The following KLHL13 variants were observed in gnomAD, a reference collection of about 807,000 sequenced individuals.
The protein encoded by KLHL13 is kelch like family member 13.
A neutral mutation model predicts 37.1 loss-of-function variants in KLHL13; 10 were observed. That is an observed-to-expected ratio of 0.27 (90% CI 0.17 to 0.46). The LOEUF is 0.46. KLHL13 is among the 20% of genes least tolerant of loss of function. The probability of loss-of-function intolerance (pLI) is 1.00; values close to 1 mark genes in which losing one functional copy is unlikely to be tolerated. For synonymous variants in KLHL13, 163 were observed against 181.2 expected, an observed-to-expected ratio of 0.90 and a Z score of 0.81; for missense variants, 360 against 509.3, an observed-to-expected ratio of 0.71 and a Z score of 2.82.
chrX:117,947,078 A>G (rs1186358066), intron 1 of KLHL13: 1 of 112,145 alleles, frequency 8.9e-6, no homozygotes, highest in Non-Finnish European at 1.9e-5. Flanking sequence ...ATAGCCTTCC[A>G]CCAGAGTTTC....
At chrX:117,909,484 C>T in exon 5 of KLHL13, 2 of 1,211,685 alleles carry the variant, frequency 1.7e-6, no homozygotes, top group Non-Finnish European at 2.2e-6. Context: ...CTCTGTCCGC[C>T]AACCACATAG....
At chrX:118,094,915 G>A (rs1388838487) in intron 1 of KLHL13, among the ~76,000 whole-genome samples, 1 of 111,538 alleles carries the variant, frequency 9.0e-6, no homozygotes, top group Non-Finnish European at 1.9e-5. Context: ...AGGAACAACT[G>A]GTACCAGCCA....
At chrX:118,111,976 G>A (rs1170497641) in intron 1 of KLHL13, among the ~76,000 whole-genome samples, 6 of 111,948 alleles carry the variant, frequency 5.4e-5, no homozygotes. Flanking sequence ...ACCATAAGAG[G>A]CAAGTTCTAT....
intron 1 of KLHL13, among the ~76,000 whole-genome samples, chrX:117,993,535 C>T (rs1001461769): frequency 9.0e-6 from 1 of 111,026 alleles, no homozygotes; most frequent in Admixed American, 9.6e-5. Context: ...TAAGGTTACA[C>T]GATCTGTAAA....
rs140001696 is a variant in KLHL13 at position 118,040,250 on chromosome X, C to G, written c.-56+76258G>C. ...AGACCACCCAGGAAATATGACCTCA[C>G]CAAACAAACTAAATGAGGTACCAGA... On this transcript the variant is annotated intron_variant, in intron 1 of 6. Transcript: ENST00000371882. 8.0e-3 allele frequency among the ~76,000 whole-genome samples: 888 copies of G among 111,698 alleles called. 7 individuals are homozygous for G. The highest frequency in any genetic ancestry group is 0.028 in the African/African-American group (854 of 30,722).
At chrX:118,099,744 T>C (rs2055261801) in intron 1 of KLHL13, among the ~76,000 whole-genome samples, 2 of 109,383 alleles carry the variant, frequency 1.8e-5, no homozygotes, top group South Asian at 8.0e-4. Context: ...GAGGCAGAGG[T>C]TGCAGTGAGC....
At chrX:118,004,297 T>C (rs187778355) in intron 1 of KLHL13, among the ~76,000 whole-genome samples, 13 of 111,911 alleles carry the variant, frequency 1.2e-4, no homozygotes, top group Non-Finnish European at 2.3e-4. Flanking sequence ...TATACAAATA[T>C]TTCCTAGCTC....
At chrX:118,084,324 G>A (rs1198170949) in intron 1 of KLHL13, among the ~76,000 whole-genome samples, 1 of 111,604 alleles carries the variant, frequency 9.0e-6, no homozygotes, top group Admixed American at 9.6e-5. Context: ...TCTCAAAAAA[G>A]AAAGTTGGGT....
chrX:117,987,825 T>G (rs1304428062), intron 1 of KLHL13, among the ~76,000 whole-genome samples: 5 of 111,928 alleles, frequency 4.5e-5, no homozygotes, highest in African/African-American at 1.6e-4. Flanking sequence ...TCTTTTTTAT[T>G]GAGTGAAAAA....
intron 1 of KLHL13, among the ~76,000 whole-genome samples, chrX:118,113,508 C>G (rs1252632145): frequency 1.8e-5 from 2 of 112,028 alleles, no homozygotes; most frequent in Non-Finnish European, 3.8e-5. Flanking sequence ...GCTTTCTGCT[C>G]TTCAAAAACG....
intron 1 of KLHL13, among the ~76,000 whole-genome samples, chrX:117,953,656 C>A (rs1334716974): frequency 9.0e-6 from 1 of 111,452 alleles, no homozygotes; most frequent in Non-Finnish European, 1.9e-5. Flanking sequence ...GATTTGAACC[C>A]ACATCTGAAT....
exon 1 of KLHL13, chrX:117,972,941 CAAAGGATTCTGCCAGTGCCCTT>C (rs2053548793): frequency 9.1e-6 from 10 of 1,103,369 alleles, no homozygotes; most frequent in Non-Finnish European, 1.2e-5. Flanking sequence ...GGAGAACAAG[CAAAGGATTCTGCCAGTGCCCTT>C]AAACCGATGC....
chrX:118,078,790 T>C (rs1195873383), intron 1 of KLHL13, among the ~76,000 whole-genome samples: 3 of 111,674 alleles, frequency 2.7e-5, no homozygotes, highest in Non-Finnish European at 5.7e-5. Flanking sequence ...TTGAATGAGA[T>C]TGCTGGATCA....
Position 118,100,472 on chromosome X carries a change from T to C in KLHL13, c.-56+16036A>G, listed in dbSNP as rs189906745. ...ACTGATATTGTTATGTTAATTATCA[T>C]GGGAATTGATAGTATATCATGTTTT... On this transcript the variant is annotated intron_variant, in intron 1 of 6. Transcript: ENST00000371882. Among the ~76,000 whole-genome samples the C allele has an allele frequency of 5.3e-3, 595 of 111,985 alleles. 4 individuals carry two copies. Among genetic ancestry groups the C allele is most frequent in the Non-Finnish European group, 6.6e-3 (353 of 53,217 alleles).
chrX:117,906,507 A>G (rs1333522014), intron 5 of KLHL13, among the ~76,000 whole-genome samples: 1 of 111,214 alleles, frequency 9.0e-6, no homozygotes, highest in Admixed American at 9.6e-5. Context: ...ATTTGAGTAT[A>G]ACATAGAAAG....
At chrX:117,997,755 C>G (rs751756745) in intron 1 of KLHL13, among the ~76,000 whole-genome samples, 4 of 111,487 alleles carry the variant, frequency 3.6e-5, no homozygotes, top group Non-Finnish European at 5.7e-5. Context: ...ATTTGTTCCC[C>G]TATTTTAGCA....
chrX:118,073,536 A>C (rs770292102), intron 1 of KLHL13, among the ~76,000 whole-genome samples: 1 of 111,561 alleles, frequency 9.0e-6, no homozygotes, highest in Non-Finnish European at 1.9e-5. Flanking sequence ...CTCTCTACAT[A>C]TACTTGGCTG....
At chrX:118,021,547 T>C (rs1273567414) in intron 1 of KLHL13, among the ~76,000 whole-genome samples, 2 of 110,312 alleles carry the variant, frequency 1.8e-5, no homozygotes, top group East Asian at 5.7e-4. Flanking sequence ...GCTTCATCCA[T>C]GTCCCTACAA....
chrX:117,986,806 G>C (rs941669679), intron 1 of KLHL13, among the ~76,000 whole-genome samples: 12 of 111,444 alleles, frequency 1.1e-4, no homozygotes, highest in Non-Finnish European at 1.9e-4. Context: ...TCATTACAGG[G>C]ACCAGAAACC....
Sources: allele counts gnomAD v4.1 joint callset (sites outside exome capture counted in the v4.1 genomes callset), GRCh38; gene constraint gnomAD v4.1.1; transcripts MANE v1.5; gene names NCBI Gene and HGNC (gene_info 2026-07-23, HGNC 2026-07-21).